Variants in KCNA2 observed in about 807,000 individuals in gnomAD.
KCNA2 encodes potassium channel, voltage gated shaker related subfamily A, member 2.
In KCNA2, 11 loss-of-function variants were observed where a neutral mutation model predicts 33.4. The observed-to-expected ratio is 0.33, with a 90% CI of 0.21 to 0.55. The LOEUF (loss-of-function observed/expected upper bound fraction) is 0.55, where lower values mean the gene tolerates loss of function less well. Ranked by LOEUF, KCNA2 falls within the 20% of genes least tolerant of loss-of-function variation. The pLI is 0.93. For synonymous variants in KCNA2, 222 were observed against 231.3 expected (o/e 0.96, Z 0.37); for missense variants, 291 against 621.6 (o/e 0.47, Z 5.66).
Position 110,603,221 on chromosome 1 carries a change from C to G in KCNA2, c.*62G>C. ...ACTGTAGAACACACTGACTACAATG[C>G]AGGCTATTATGCAACATCTGCATTA... On this transcript the variant is annotated 3_prime_UTR_variant, in exon 3 of 3. Coordinates refer to ENST00000316361, the MANE Select transcript of KCNA2 (RefSeq NM_004974.4). The surrounding 1 kb of genome is among the most constrained non-coding windows in gnomAD (Gnocchi z 5.7). The G allele has an allele frequency of 6.5e-7, 1 of 1,542,544 alleles. No homozygotes were observed. Among genetic ancestry groups the G allele is most frequent in the Non-Finnish European group, 8.7e-7 (1 of 1,146,670 alleles).
At position 110,606,281 on chromosome 1, in the gene KCNA2, G is replaced by C. The variant is rs538659868; in HGVS notation, c.-549C>G. The C allele has an allele frequency of 6.5e-5, 10 of 152,682 alleles. No individual in the cohort carries two copies. The highest frequency in any genetic ancestry group is 2.4e-4 in the African/African-American group (10 of 41,586). 9.5% of individuals were successfully genotyped at this position (152,682 alleles called of 1,614,324 possible). A position where few individuals can be genotyped will look rare whatever the true frequency, so the allele number is the denominator to read the frequency against. Reference sequence around the variant, plus strand: ...CCTCCCTCTGAGCCGGGTGGCATTTGAGCTGGGCAGGCGCTCGACCACTGA... The same window carrying C: ...CCTCCCTCTGAGCCGGGTGGCATTTCAGCTGGGCAGGCGCTCGACCACTGA... On this transcript the variant is annotated 5_prime_UTR_variant, in exon 1 of 3. Transcript: ENST00000316361.
intron 1 of KCNA2, among the ~76,000 whole-genome samples, chr1:110,627,046 C>T (rs1427069358): frequency 6.6e-6 from 1 of 152,142 alleles, no homozygotes; most frequent in African/African-American, 2.4e-5. Flanking sequence ...CCGTCAACCA[C>T]GTGAAGGAGG....
In KCNA2 at chr1:110,595,668, G is replaced by A; in HGVS notation, c.*7615C>T. ...GCTTGCATCCAGCTGTTTCTTGAGT[G>A]ATGTGTACAGCTTACCCCCAAAGAG... On this transcript the variant is annotated 3_prime_UTR_variant, in exon 3 of 3. Coordinates refer to ENST00000316361, the MANE Select transcript of KCNA2 (RefSeq NM_004974.4). 2.0e-6 allele frequency: 2 copies of A among 985,450 alleles called. No individual in the cohort carries two copies. Among genetic ancestry groups the A allele is most frequent in the Non-Finnish European group, 2.4e-6 (2 of 829,954 alleles). 61.0% of individuals were successfully genotyped at this position (985,450 alleles called of 1,614,324 possible). A position where few individuals can be genotyped will look rare whatever the true frequency, so the allele number is the denominator to read the frequency against.
In KCNA2 at chr1:110,604,521, T is replaced by C. The variant is rs1161306229; in HGVS notation, c.262A>G (p.Ile88Val). 3 of 1,614,154 alleles carry C rather than the reference T, an allele frequency of 1.9e-6. No homozygotes were observed. The highest frequency in any genetic ancestry group is 1.7e-5 in the Admixed American group (1 of 60,024). The change falls in exon 3 of 3, where the codon ATT becomes GTT. Residue 88 changes from isoleucine to valine, a missense_variant. Physicochemically the swap from Ile to Val is conservative, Grantham distance 29. Transcript: ENST00000316361. The surrounding 1 kb of genome is among the most constrained non-coding windows in gnomAD (Gnocchi z 7.6). ...FDRNRPSFDA[I>V]LYYYQSGGRL... is the part of the protein sequence containing the mutation. Reference sequence around the variant, plus strand: ...CCCCCTGACTGGTAGTAGTACAAAATGGCATCAAAGCTAGGGCGGTTCCGA... The same window carrying C: ...CCCCCTGACTGGTAGTAGTACAAAACGGCATCAAAGCTAGGGCGGTTCCGA...
At position 110,604,190 on chromosome 1, in the gene KCNA2, C is replaced by T. The variant is rs779126461; in HGVS notation, c.593G>A (p.Ser198Asn). The T allele has an allele frequency of 6.2e-7, 1 of 1,614,200 alleles. No homozygotes were observed. The highest frequency in any genetic ancestry group is 8.5e-7 in the Non-Finnish European group (1 of 1,180,030). ...GGAATAGGTGTGGAAGGTCACCCCA[C>T]TACCATGCATGTCTTCATTCTCATC... ...FRDENEDMHGSGVTFHTYSNS... is the reference protein window; with the variant it reads ...FRDENEDMHGNGVTFHTYSNS... The change falls in exon 3 of 3, where the codon AGT becomes AAT. Residue 198 changes from serine to asparagine, a missense_variant. This residue lies in a region of KCNA2 where 163 missense variants were observed against 273.5 expected (regional missense o/e 0.60). Transcript: ENST00000316361. The surrounding 1 kb of genome is among the most constrained non-coding windows in gnomAD (Gnocchi z 7.6).
rs1649426291 is a variant in KCNA2 at position 110,603,053 on chromosome 1, G to A, written c.*230C>T. 1 of 1,390,274 alleles carries A rather than the reference G, an allele frequency of 7.2e-7. No homozygotes were observed. The highest frequency in any genetic ancestry group is 3.3e-5 in the Admixed American group (1 of 29,936). The allele number at this position is 1,390,274 out of a possible 1,614,324, so 86.1% of individuals were successfully genotyped here. On this transcript the variant is annotated 3_prime_UTR_variant, in exon 3 of 3. Transcript: ENST00000316361. The surrounding 1 kb of genome is among the most constrained non-coding windows in gnomAD (Gnocchi z 5.7). Reference sequence around the variant, plus strand: ...TCTATCTGAAATCCTAGCTTGATAGGTGACTCCCGTCTTTGGAAGTTCATA... The same window carrying A: ...TCTATCTGAAATCCTAGCTTGATAGATGACTCCCGTCTTTGGAAGTTCATA...
At position 110,602,745 on chromosome 1, in the gene KCNA2, T is replaced by C. The variant is rs888313089; in HGVS notation, c.*538A>G. ...GCCTCCAGAGCATCTACTTGGCAAC[T>C]GCAATTCACAAACTCCAGCCTGTGA... On this transcript the variant is annotated 3_prime_UTR_variant, in exon 3 of 3. Transcript: ENST00000316361. The C allele has an allele frequency of 3.0e-6, 3 of 991,944 alleles. No homozygotes were observed. The African/African-American group carries it at 5.2e-5, about 17-fold the overall frequency. The allele number at this position is 991,944 out of a possible 1,614,324, so 61.4% of individuals were successfully genotyped here.
chr1:110,597,177 A>C lies in KCNA2; in HGVS notation c.*6106T>G. On this transcript the variant is annotated 3_prime_UTR_variant, in exon 3 of 3. Coordinates refer to ENST00000316361, the MANE Select transcript of KCNA2 (RefSeq NM_004974.4). ...CAGAGGGCAATTCCCAAATCTGCCCAGGCTACTGATCCCAAGTGCAAACCT... is the reference window on the plus strand; with the variant it reads ...CAGAGGGCAATTCCCAAATCTGCCCCGGCTACTGATCCCAAGTGCAAACCT... 1 of 985,482 alleles carries C rather than the reference A, an allele frequency of 1.0e-6. No homozygotes were observed. The highest frequency in any genetic ancestry group is 1.2e-6 in the Non-Finnish European group (1 of 829,942). 61.0% of individuals were successfully genotyped at this position (985,482 alleles called of 1,614,324 possible). A position where few individuals can be genotyped will look rare whatever the true frequency, so the allele number is the denominator to read the frequency against.
At chr1:110,613,671 C>T (rs1209390551) in intron 1 of KCNA2, among the ~76,000 whole-genome samples, 1 of 152,220 alleles carries the variant, frequency 6.6e-6, no homozygotes, top group Non-Finnish European at 1.5e-5. Flanking sequence ...ATGCACCAGG[C>T]AACCCCTGTA....
intron 1 of KCNA2, among the ~76,000 whole-genome samples, chr1:110,617,139 A>T (rs575677968): frequency 6.6e-6 from 1 of 152,292 alleles, no homozygotes; most frequent in South Asian, 2.1e-4. Context: ...GCAACAGCCT[A>T]TCTCACACTG....
intron 1 of KCNA2, among the ~76,000 whole-genome samples, chr1:110,624,818 G>A (rs1439555188): frequency 6.6e-6 from 1 of 152,130 alleles, no homozygotes; most frequent in Non-Finnish European, 1.5e-5. Context: ...GTGAATTCAG[G>A]ACTATTTTGT....
chr1:110,618,171 G>A (rs1409779570), intron 1 of KCNA2, among the ~76,000 whole-genome samples: 1 of 152,140 alleles, frequency 6.6e-6, no homozygotes, highest in Non-Finnish European at 1.5e-5. Flanking sequence ...GTGAGACCCT[G>A]TCTCTACAAA....
Position 110,602,963 on chromosome 1 carries a change from A to G in KCNA2, c.*320T>C. 9.0e-7 allele frequency: 1 copy of G among 1,108,604 alleles called. No individual in the cohort carries two copies. Among genetic ancestry groups the G allele is most frequent in the Non-Finnish European group, 1.1e-6 (1 of 909,886 alleles). 68.7% of individuals were successfully genotyped at this position (1,108,604 alleles called of 1,614,324 possible). ...ATCTCTTGGATGTTGTGTGCATTTCATTAGGAAGGAATGATGGCACTGATA... is the reference window on the plus strand; with the variant it reads ...ATCTCTTGGATGTTGTGTGCATTTCGTTAGGAAGGAATGATGGCACTGATA... On this transcript the variant is annotated 3_prime_UTR_variant, in exon 3 of 3. Coordinates refer to ENST00000316361, the MANE Select transcript of KCNA2 (RefSeq NM_004974.4).
chr1:110,612,939 A>G (rs2101436775), intron 1 of KCNA2, among the ~76,000 whole-genome samples: 1 of 152,292 alleles, frequency 6.6e-6, no homozygotes, highest in South Asian at 2.1e-4. Flanking sequence ...TGCCATTCAC[A>G]TGACCTTAGG....
chr1:110,622,029 C>T (rs1650271127), intron 1 of KCNA2, among the ~76,000 whole-genome samples: 1 of 152,038 alleles, frequency 6.6e-6, no homozygotes, highest in African/African-American at 2.4e-5. Context: ...TATACCAAAA[C>T]CAGACAAAAA....
chr1:110,595,631 G>C lies in KCNA2; in HGVS notation c.*7652C>G. 2 of 985,432 alleles carry C rather than the reference G, an allele frequency of 2.0e-6. No individual in the cohort carries two copies. Among genetic ancestry groups the C allele is most frequent in the South Asian group, 4.7e-5 (1 of 21,288 alleles). 61.0% of individuals were successfully genotyped at this position (985,432 alleles called of 1,614,324 possible). A position where few individuals can be genotyped will look rare whatever the true frequency, so the allele number is the denominator to read the frequency against. On this transcript the variant is annotated 3_prime_UTR_variant, in exon 3 of 3. Coordinates refer to ENST00000316361, the MANE Select transcript of KCNA2 (RefSeq NM_004974.4). Reference sequence around the variant, plus strand: ...CACTAGCAGGCAAGAGGGAGAATGAGAGCAGGTTTTAGCTTGCATCCAGCT... The same window carrying C: ...CACTAGCAGGCAAGAGGGAGAATGACAGCAGGTTTTAGCTTGCATCCAGCT...
Position 110,600,410 on chromosome 1 carries a change from A to T in KCNA2, c.*2873T>A. ...TCTGAGTTTCAGGTTGTATATTTGT[A>T]TGTGGTGTATGTTTGTCTTTTGTGT... On this transcript the variant is annotated 3_prime_UTR_variant, in exon 3 of 3. Coordinates refer to ENST00000316361, the MANE Select transcript of KCNA2 (RefSeq NM_004974.4). 2.0e-6 allele frequency: 2 copies of T among 984,302 alleles called. No individual in the cohort carries two copies. Among genetic ancestry groups the T allele is most frequent in the Non-Finnish European group, 2.4e-6 (2 of 829,686 alleles). The allele number at this position is 984,302 out of a possible 1,614,324, so 61.0% of individuals were successfully genotyped here.
chr1:110,593,912 G>A lies in KCNA2; in HGVS notation c.*9371C>T. The A allele has an allele frequency of 6.5e-7, 1 of 1,550,110 alleles. No homozygotes were observed. The highest frequency in any genetic ancestry group is 8.7e-7 in the Non-Finnish European group (1 of 1,146,800). On this transcript the variant is annotated 3_prime_UTR_variant, in exon 3 of 3. Coordinates refer to ENST00000316361, the MANE Select transcript of KCNA2 (RefSeq NM_004974.4). ...ATAATATCAATACATCCTGTGCAAT[G>A]TAGTTACAGCTGGTGTCTAAATTTT...
intron 1 of KCNA2, among the ~76,000 whole-genome samples, chr1:110,619,178 C>T (rs1650165866): frequency 1.3e-5 from 2 of 152,180 alleles, no homozygotes; most frequent in South Asian, 4.1e-4. Context: ...GCCTGGCTGT[C>T]CCCACTCCCT....
Sources: gnomAD v4.1 joint callset for allele counts (sites outside exome capture counted in the v4.1 genomes callset) on GRCh38, gnomAD v4.1.1 for gene constraint, gnomAD v4.1.1 regional missense constraint, Gnocchi (gnomAD v3.1) non-coding constraint, MANE v1.5 for transcripts, NCBI Gene and HGNC (gene_info 2026-07-23, HGNC 2026-07-21) for gene names.